The following TP53I13 variants were observed in gnomAD, a reference collection of about 807,000 sequenced individuals.
TP53I13 encodes tumor protein p53 inducible protein 13.
A neutral mutation model predicts 39.1 loss-of-function variants in TP53I13; 27 were observed. The ratio of observed to expected loss-of-function variants is 0.69; its 90% confidence interval spans 0.51 to 0.95. TP53I13 has a LOEUF of 0.95. TP53I13 is among the 40% of genes least tolerant of loss of function. The pLI is 0.00. For missense variants in TP53I13, 544 were observed against 520.4 expected, an observed-to-expected ratio of 1.05 and a Z score of -0.44; for synonymous variants, 230 against 224.6, an observed-to-expected ratio of 1.02 and a Z score of -0.22.
At chr17:29,577,514 G>A (rs903407617), downstream of TP53I13, 3 of 732,676 alleles carry the variant, frequency 4.1e-6, no homozygotes, top group African/African-American at 5.2e-5. Context: ...CCAAATCCCA[G>A]TGCCAGCTGT....
the TP53I13 span, chr17:29,578,265 C>A: frequency 5.1e-6 from 8 of 1,568,628 alleles, no homozygotes; most frequent in East Asian, 1.8e-4. Context: ...CCGCTCGGGT[C>A]CTCCACGCCA....
At chr17:29,578,859 A>G in the TP53I13 span, 1 of 1,556,050 alleles carries the variant, frequency 6.4e-7, no homozygotes. Context: ...AACCTCCCCA[A>G]CATGCAGGGA....
rs1304094197 is a variant in TP53I13 at position 29,572,333 on chromosome 17, C to T, written c.705C>T (p.Ser235=). The change falls in exon 6 of 7, where the codon TCC becomes TCT. Residue 235 remains serine (S), a synonymous_variant. Transcript: ENST00000301057. ...ASPGSLKAKQ[S]MAGIPGRESN... ...CAGGGAGCTTGAAGGCCAAGCAGTC[C>T]ATGGCGGGAATCCCTGGTAGGGAGA... is the stretch of plus-strand genomic sequence containing the variant. The T allele has an allele frequency of 6.2e-7, 1 of 1,611,794 alleles. No individual in the cohort carries two copies. Among genetic ancestry groups the T allele is most frequent in the Non-Finnish European group, 8.5e-7 (1 of 1,179,212 alleles).
At chr17:29,582,180 G>A in the TP53I13 span, 1 of 1,449,188 alleles carries the variant, frequency 6.9e-7, no homozygotes, top group Non-Finnish European at 9.3e-7. Flanking sequence ...ATACGCATGT[G>A]CGTGAGGCGC....
At position 29,571,941 on chromosome 17, in the gene TP53I13, C is replaced by G; in HGVS notation, c.397C>G (p.Arg133Gly). The G allele has an allele frequency of 6.2e-7, 1 of 1,613,056 alleles. No homozygotes were observed. The highest frequency in any genetic ancestry group is 1.6e-4 in the Middle Eastern group (1 of 6,062). Residue 133 changes from arginine (R) to glycine (G), a missense_variant, in exon 5 of 7, where the codon CGG becomes GGG. Coordinates refer to ENST00000301057, the MANE Select transcript of TP53I13 (RefSeq NM_138349.4). ...GGCTGCCCACTGGCTGATGAGGAGG[C>G]GGAGGAGGAAGCAGAGGAAGAAGAA... Reference protein sequence around the residue: ...AWAAHWLMRRRRRKQRKKKAW... With the variant: ...AWAAHWLMRRGRRKQRKKKAW...
Position 29,568,788 on chromosome 17 carries a change from G to C in TP53I13, c.30G>C (p.Leu10=). 2 of 1,597,836 alleles carry C rather than the reference G, an allele frequency of 1.3e-6. No homozygotes were observed. The highest frequency in any genetic ancestry group is 8.5e-7 in the Non-Finnish European group (1 of 1,179,008). The change falls in exon 1 of 7, where the codon CTG becomes CTC. Residue 10 remains leucine (L), a synonymous_variant. Transcript: ENST00000301057. This position sits in a 1 kb window ranked among gnomAD's most constrained non-coding sequence, Gnocchi z 4.5. ...CGCCTCCTCCGCCTTCGCCCCAACT[G>C]CTTCTCCTGGCAGCCCTCGCGAGGC... The part of the protein sequence containing the change: MAPPPPSPQ[L]LLLAALARLL...
downstream of TP53I13, chr17:29,576,889 C>A: frequency 6.3e-7 from 1 of 1,575,326 alleles, no homozygotes; most frequent in Non-Finnish European, 8.6e-7. Context: ...CGAGTGGCGC[C>A]GGTGCTGCGC....
At chr17:29,576,061 G>A (rs753882434), downstream of TP53I13, 84 of 1,612,570 alleles carry the variant, frequency 5.2e-5, no homozygotes, top group African/African-American at 8.8e-4. Flanking sequence ...AGATGGACAC[G>A]CCTTCCCCAG....
chr17:29,575,976 G>A, downstream of TP53I13: 1 of 1,533,256 alleles, frequency 6.5e-7, no homozygotes. The surrounding 1 kb of genome is among the most constrained non-coding windows in gnomAD (Gnocchi z 5.5). Flanking sequence ...GCAGGGACCA[G>A]GTCAGTCTAA....
chr17:29,578,241 G>A, the TP53I13 span: 1 of 1,369,514 alleles, frequency 7.3e-7, no homozygotes, highest in South Asian at 1.2e-5. Context: ...AAGGACCAGA[G>A]ACCCATGCCT....
chr17:29,576,586 T>C (rs550609245), downstream of TP53I13: 57 of 1,614,054 alleles, frequency 3.5e-5, no homozygotes, highest in Admixed American at 1.7e-4. Flanking sequence ...CTGCTGCACC[T>C]TTGCCTCCGA....
chr17:29,575,584 G>A (rs748458392), downstream of TP53I13: 6 of 1,587,538 alleles, frequency 3.8e-6, no homozygotes, highest in South Asian at 3.3e-5. The surrounding 1 kb of genome is among the most constrained non-coding windows in gnomAD (Gnocchi z 5.5). Flanking sequence ...CAACCTCCCC[G>A]CCTCGGCATG....
At chr17:29,567,273 G>A (rs543587265), upstream of TP53I13, 9 of 158,484 alleles carry the variant, frequency 5.7e-5, 1 homozygote, top group South Asian at 6.1e-4. The surrounding 1 kb of genome is among the most constrained non-coding windows in gnomAD (Gnocchi z 6.6). Context: ...GAGGGCACGA[G>A]CCGGGGAGAG....
downstream of TP53I13, chr17:29,576,732 G>A: frequency 6.2e-6 from 10 of 1,604,442 alleles, no homozygotes; most frequent in Non-Finnish European, 7.7e-6. Context: ...AACACCCGCA[G>A]GGGGCAGTTA....
At chr17:29,572,720 T>C in intron 6 of TP53I13, 23 bp downstream of exon 6, 1 of 1,501,616 alleles carries the variant, frequency 6.7e-7, no homozygotes, top group Non-Finnish European at 8.9e-7. Context: ...CTCCCTACCC[T>C]ACCCGAGGCC....
Position 29,572,264 on chromosome 17 carries a change from TC to T in TP53I13, c.640del (p.Gln214SerfsTer7). 1 of 1,612,766 alleles carries T rather than the reference TC, an allele frequency of 6.2e-7. No individual in the cohort carries two copies. Reference sequence around the variant, plus strand: ...GGCGGAGGCTGCGGGCTGCCCTTGGTCCCCAGCCCACTCGCTCAGCCCTGAG... The same window carrying T: ...GGCGGAGGCTGCGGGCTGCCCTTGGTCCCAGCCCACTCGCTCAGCCCTGAG... ...KRRRLRAALG[P>X]QPTRSALRFP... On this transcript the variant is annotated frameshift_variant, in exon 6 of 7. Coordinates refer to ENST00000301057, the MANE Select transcript of TP53I13 (RefSeq NM_138349.4). LOFTEE classifies it high-confidence loss of function.
chr17:29,578,679 G>T, the TP53I13 span: 9 of 1,472,030 alleles, frequency 6.1e-6, no homozygotes, highest in African/African-American at 2.8e-5. Context: ...GAGGGTGGGG[G>T]ATCAGAGAGG....
Position 29,569,354 on chromosome 17 carries a change from G to T in TP53I13, c.178G>T (p.Gly60Trp), listed in dbSNP as rs1395335257. The T allele has an allele frequency of 3.7e-6, 6 of 1,613,634 alleles. No individual in the cohort carries two copies. In the East Asian group the frequency reaches 6.7e-5, roughly 18 times the overall value. Reference protein sequence around the residue: ...PRVTYTRVSPGQAEDVTFLYH... With the variant: ...PRVTYTRVSPWQAEDVTFLYH... ...AGTGACCTACACACGAGTGAGCCCA[G>T]GGCAGGTGAGTACAAGCAGGGGCCC... Residue 60 changes from glycine (G) to tryptophan (W), a missense_variant, in exon 3 of 7, where the codon GGG becomes TGG. Coordinates refer to ENST00000301057, the MANE Select transcript of TP53I13 (RefSeq NM_138349.4).
chr17:29,581,690 C>T, the TP53I13 span: 1 of 1,458,148 alleles, frequency 6.9e-7, no homozygotes. The surrounding 1 kb of genome is among the most constrained non-coding windows in gnomAD (Gnocchi z 4.8). Flanking sequence ...GTCCCACCTG[C>T]CCAGCCCCAG....
Sources: gnomAD v4.1 joint callset for allele counts on GRCh38, gnomAD v4.1.1 for gene constraint, Gnocchi (gnomAD v3.1) non-coding constraint, MANE v1.5 for transcripts, NCBI Gene and HGNC (gene_info 2026-07-23, HGNC 2026-07-21) for gene names.